ESR1: variants seen among roughly 807,000 people sequenced by gnomAD.
ESR1 encodes the protein estrogen receptor 1.
Under a neutral mutation model 52.7 loss-of-function variants are expected in ESR1, and 12 were observed. The observed-to-expected ratio is 0.23, with a 90% CI of 0.15 to 0.37. The LOEUF (loss-of-function observed/expected upper bound fraction) is 0.37, where lower values mean the gene tolerates loss of function less well. Ranked by LOEUF, ESR1 falls within the 10% of genes least tolerant of loss-of-function variation. ESR1 has a pLI of 1.00. For missense variants in ESR1, 584 were observed against 779.7 expected, an observed-to-expected ratio of 0.75 and a Z score of 2.99; for synonymous variants, 305 against 316.8, an observed-to-expected ratio of 0.96 and a Z score of 0.39.
At chr6:151,973,043 A>T (rs941611571) in intron 4 of ESR1, among the ~76,000 whole-genome samples, 1 of 152,124 alleles carries the variant, frequency 6.6e-6, no homozygotes. Flanking sequence ...GCCCACCCAG[A>T]TTGAGGGCGG....
At chr6:151,751,430 C>T (rs1280721767) in intron 2 of ESR1, among the ~76,000 whole-genome samples, 5 of 152,150 alleles carry the variant, frequency 3.3e-5, no homozygotes. Flanking sequence ...AACTTATCAT[C>T]ATAGAACGCA....
chr6:152,017,547 A>T (rs1343840729), intron 5 of ESR1, among the ~76,000 whole-genome samples: 1 of 152,166 alleles, frequency 6.6e-6, no homozygotes, highest in Non-Finnish European at 1.5e-5. Context: ...TAATCAGGAA[A>T]TGGAGAAAAC....
At chr6:151,787,990 C>G (rs1272945303) in intron 2 of ESR1, among the ~76,000 whole-genome samples, 1 of 151,930 alleles carries the variant, frequency 6.6e-6, no homozygotes, top group African/African-American at 2.4e-5. Context: ...AATGAAAAGC[C>G]CAAAACTCTA....
chr6:152,096,674 C>T (rs2050637417), intron 7 of ESR1: 1 of 455,850 alleles, frequency 2.2e-6, no homozygotes, highest in African/African-American at 2.0e-5. Context: ...CCAAGGATTC[C>T]TGTGTAACAG....
intron 2 of ESR1, among the ~76,000 whole-genome samples, chr6:151,868,189 T>A (rs1177855657): frequency 1.3e-5 from 2 of 152,072 alleles, no homozygotes; most frequent in Middle Eastern, 3.2e-3. Flanking sequence ...GTGCAATGGC[T>A]TGATCTCGGC....
chr6:151,683,116 G>T (rs1054895618), intron 1 of ESR1, among the ~76,000 whole-genome samples: 1 of 152,116 alleles, frequency 6.6e-6, no homozygotes, highest in Non-Finnish European at 1.5e-5. Context: ...GCTTAAATAT[G>T]TACTGTCTCC....
intron 4 of ESR1, chr6:151,983,612 A>G (rs1279012433): frequency 6.6e-6 from 1 of 152,116 alleles, no homozygotes; most frequent in Non-Finnish European, 1.5e-5. Flanking sequence ...AAGCTTTTTT[A>G]AAAAATAAAT....
chr6:151,904,627 T>C (rs999227044), intron 3 of ESR1, among the ~76,000 whole-genome samples: 4 of 152,188 alleles, frequency 2.6e-5, no homozygotes, highest in Non-Finnish European at 5.9e-5. Flanking sequence ...TGCATATTCT[T>C]TCTCTCTCAA....
At chr6:151,779,269 A>G (rs1345965909) in intron 2 of ESR1, among the ~76,000 whole-genome samples, 1 of 152,152 alleles carries the variant, frequency 6.6e-6, no homozygotes, top group Non-Finnish European at 1.5e-5. Context: ...TAATTTTTGT[A>G]TAAGGTATAA....
At chr6:151,677,972 A>AAAAAAAAGTTAAAC (rs58791714) in intron 1 of ESR1, among the ~76,000 whole-genome samples, 31,966 of 152,012 alleles carry the variant, frequency 0.21, 4,137 homozygotes, top group Non-Finnish European at 0.28. Context: ...AAAAATTAAT[A>AAAAAAAAGTTAAAC]AAACGTAATG....
chr6:152,038,392 T>C (rs1363736390), intron 5 of ESR1, among the ~76,000 whole-genome samples: 1 of 152,186 alleles, frequency 6.6e-6, no homozygotes, highest in Non-Finnish European at 1.5e-5. Flanking sequence ...GACAGCACTT[T>C]GCATCCTTCA....
intron 2 of ESR1, among the ~76,000 whole-genome samples, chr6:151,851,672 C>A (rs150814987): frequency 6.6e-6 from 1 of 151,784 alleles, no homozygotes; most frequent in Non-Finnish European, 1.5e-5. Flanking sequence ...GGATTACAGG[C>A]GTCCACCACC....
At chr6:151,736,577 C>G (rs574236595) in intron 2 of ESR1, among the ~76,000 whole-genome samples, 1 of 151,932 alleles carries the variant, frequency 6.6e-6, no homozygotes, top group South Asian at 2.1e-4. Context: ...CAGGGTTTCC[C>G]CATGTTGCCC....
At chr6:151,972,411 C>T (rs1482884170) in intron 4 of ESR1, among the ~76,000 whole-genome samples, 4 of 152,120 alleles carry the variant, frequency 2.6e-5, no homozygotes, top group African/African-American at 9.7e-5. Flanking sequence ...TAACAAAATA[C>T]TAGCTAAGTG....
chr6:151,807,784 G>C lies in ESR1; in HGVS notation c.-129G>C, dbSNP rs1778121815. ...CGGGGCAGGGCCGGGGCCAGAGCTC[G>C]CGTGTCGGCGGGACATGCGCTGCGT... On this transcript the variant is annotated 5_prime_UTR_variant, in exon 1 of 8. Transcript: ENST00000206249. The C allele has an allele frequency of 7.7e-6, 7 of 906,614 alleles. No individual in the cohort carries two copies. The highest frequency in any genetic ancestry group is 1.2e-5 in the Non-Finnish European group (7 of 573,864). The allele number at this position is 906,614 out of a possible 1,614,324, so 56.2% of individuals were successfully genotyped here.
In ESR1 at chr6:151,938,567, A is replaced by G. The variant is rs188546792; in HGVS notation, c.761-5606A>G. Among the ~76,000 whole-genome samples the G allele has an allele frequency of 1.1e-4, 17 of 152,194 alleles. No homozygotes were observed. In the East Asian group the frequency reaches 3.3e-3, roughly 29 times the overall value. On this transcript the variant is annotated intron_variant, in intron 3 of 7. Coordinates refer to ENST00000206249, the MANE Select transcript of ESR1 (RefSeq NM_000125.4). ...TGTCGCCTGTACTGCCTTTCCACCTAGCTTCCAAGTCCAGGCCGACTTTGA... is the reference window on the plus strand; with the variant it reads ...TGTCGCCTGTACTGCCTTTCCACCTGGCTTCCAAGTCCAGGCCGACTTTGA...
At chr6:151,985,294 T>C (rs1009760539) in intron 4 of ESR1, among the ~76,000 whole-genome samples, 1 of 151,276 alleles carries the variant, frequency 6.6e-6, no homozygotes, top group African/African-American at 2.4e-5. Flanking sequence ...TCACCTGAAG[T>C]CAGGAGTTTG....
intron 1 of ESR1, among the ~76,000 whole-genome samples, chr6:151,700,760 A>G (rs1031187748): frequency 2.0e-5 from 3 of 151,088 alleles, no homozygotes; most frequent in Non-Finnish European, 4.4e-5. Flanking sequence ...AGGCATACTA[A>G]TATTTCAGAT....
At chr6:152,059,014 C>T (rs767918506) in intron 5 of ESR1, among the ~76,000 whole-genome samples, 3 of 151,972 alleles carry the variant, frequency 2.0e-5, no homozygotes, top group Admixed American at 6.6e-5. Context: ...AAGAAAAGAA[C>T]GTCTGTGAAA....
Sources: allele counts gnomAD v4.1 joint callset (sites outside exome capture counted in the v4.1 genomes callset), GRCh38; gene constraint gnomAD v4.1.1; transcripts MANE v1.5; gene names NCBI Gene and HGNC (gene_info 2026-07-23, HGNC 2026-07-21).